The following C2CD3 variants were observed in gnomAD, a reference collection of about 807,000 sequenced individuals.
C2CD3 encodes the protein C2 domain-containing protein 3.
A neutral mutation model predicts 234.0 loss-of-function variants in C2CD3; 148 were observed. The ratio of observed to expected loss-of-function variants is 0.63; its 90% CI spans 0.55 to 0.72. The LOEUF (loss-of-function observed/expected upper bound fraction) is 0.72. Among genes scored for constraint, C2CD3 ranks in the 30% least tolerant of loss-of-function variants. C2CD3 has a pLI of 0.00. For missense variants in C2CD3, 2,577 were observed against 2,811.5 expected (o/e 0.92, Z 1.89); for synonymous variants, 1,000 against 1,035.4 (o/e 0.97, Z 0.66).
At chr11:74,133,900 T>G (rs143752999) in intron 5 of C2CD3, among the ~76,000 whole-genome samples, 2 of 152,260 alleles carry the variant, frequency 1.3e-5, no homozygotes, top group African/African-American at 4.8e-5. Context: ...TGTTTTTGTA[T>G]CCAGATATCA....
rs946583884 is a variant in C2CD3, at chr11:74,013,253, C to T, written c.*132G>A. ...GGCTGACCGGGTCTCTTGAGGCATC[C>T]GTGGCCTAGGCAAGTGGTGGTTTCA... On this transcript the variant is annotated 3_prime_UTR_variant, in exon 33 of 33. Coordinates refer to ENST00000334126, the MANE Select transcript of C2CD3 (RefSeq NM_001286577.2). 28 of 413,306 alleles carry T rather than the reference C, an allele frequency of 6.8e-5. No homozygotes were observed. The highest frequency in any genetic ancestry group is 3.9e-4 in the African/African-American group (19 of 48,664). The allele number at this position is 413,306 out of a possible 1,614,324, so 25.6% of individuals were successfully genotyped here. A position where few individuals can be genotyped will look rare whatever the true frequency, so the allele number is the denominator to read the frequency against.
In C2CD3 at chr11:74,074,422, G is replaced by C; in HGVS notation, c.4782C>G (p.Leu1594=). The change falls in exon 24 of 33, where the codon CTC becomes CTG. Residue 1594 remains leucine, a synonymous_variant. Transcript: ENST00000334126. ...GGCAGGAGATGACTTCTGGTGGAGA[G>C]AGCTGGACCTCATCATTCCTTCTGG... ...QLPRRNDEVQ[L]SPPEVISCHQ... The C allele has an allele frequency of 1.9e-6, 3 of 1,614,230 alleles. No homozygotes were observed. Among genetic ancestry groups the C allele is most frequent in the Non-Finnish European group, 2.5e-6 (3 of 1,180,040 alleles).
In C2CD3 at chr11:74,042,105, T is replaced by A; in HGVS notation, c.5609A>T (p.Lys1870Ile). Residue 1870 changes from lysine to isoleucine, a missense_variant, in exon 29 of 33, where the codon AAA (lysine) becomes ATA (isoleucine). Transcript: ENST00000334126. ...QGEAPLPCDD[K>I]LTTSPLSSQT... ...GGAGGACAAAGGTGATGTGGTCAGTTTGTCATCACATGGCAAGGGTGCCTC... is the reference window on the plus strand; with the variant it reads ...GGAGGACAAAGGTGATGTGGTCAGTATGTCATCACATGGCAAGGGTGCCTC... 1 of 1,614,086 alleles carries A rather than the reference T, an allele frequency of 6.2e-7. No individual in the cohort carries two copies. The highest frequency in any genetic ancestry group is 8.5e-7 in the Non-Finnish European group (1 of 1,180,010).
chr11:74,021,166 C>T (rs1403707762), intron 32 of C2CD3, among the ~76,000 whole-genome samples: 1 of 152,086 alleles, frequency 6.6e-6, no homozygotes, highest in Non-Finnish European at 1.5e-5. Flanking sequence ...CAGGAGATCA[C>T]TTGAGCCCAG....
At chr11:74,037,424 T>C (rs940262061) in intron 30 of C2CD3, 54 bp downstream of exon 30, 2 of 1,382,264 alleles carry the variant, frequency 1.4e-6, no homozygotes, top group Non-Finnish European at 2.1e-6. Context: ...AAATGCTTTT[T>C]GAATTAGCAC....
rs981082756 is a variant in C2CD3, at chr11:74,013,501, C to T, written c.6946G>A (p.Ala2316Thr). 4 of 1,382,268 alleles carry T rather than the reference C, an allele frequency of 2.9e-6. No individual in the cohort carries two copies. In the African/African-American group the frequency reaches 6.0e-5, roughly 21 times the overall value. 85.6% of individuals were successfully genotyped at this position (1,382,268 alleles called of 1,614,324 possible). Residue 2316 changes from alanine (A) to threonine (T), a missense_variant, in exon 33 of 33, where the codon GCT (alanine) becomes ACT (threonine). By Grantham distance (58) the Ala-to-Thr change is moderately conservative. Transcript: ENST00000334126. ...GGGCGACAAGGCCTTTGGGAGAGAG[C>T]TCCCCTGGTGGCTTCGCTCTTGTCC... ...DQDKSEATRGALSQRPCRPRP... is the reference protein window; with the variant it reads ...DQDKSEATRGTLSQRPCRPRP...
chr11:74,022,799 A>G (rs924025087), intron 32 of C2CD3, among the ~76,000 whole-genome samples: 17 of 152,224 alleles, frequency 1.1e-4, no homozygotes, highest in African/African-American at 3.9e-4. Context: ...ATTGATTTAT[A>G]ATGAATTTGG....
intron 24 of C2CD3, among the ~76,000 whole-genome samples, chr11:74,073,853 C>T (rs1327287973): frequency 1.3e-5 from 2 of 152,124 alleles, no homozygotes; most frequent in African/African-American, 4.8e-5. Context: ...AGGCCACTAA[C>T]CCGGAGTTTG....
chr11:74,030,640 A>G (rs1565208819), intron 31 of C2CD3, among the ~76,000 whole-genome samples: 1 of 151,834 alleles, frequency 6.6e-6, no homozygotes, highest in East Asian at 1.9e-4. Flanking sequence ...AGATGCTCAG[A>G]GTCTGCCTCT....
At chr11:74,169,618 C>A (rs1176178374) in intron 1 of C2CD3, among the ~76,000 whole-genome samples, 1 of 152,158 alleles carries the variant, frequency 6.6e-6, no homozygotes, top group Non-Finnish European at 1.5e-5. Flanking sequence ...AAAAATTATA[C>A]ACAGTTGTGT....
chr11:74,124,890 T>C (rs1424300165), intron 7 of C2CD3, among the ~76,000 whole-genome samples: 1 of 152,204 alleles, frequency 6.6e-6, no homozygotes, highest in African/African-American at 2.4e-5. Flanking sequence ...TTTTTTGAAA[T>C]TAATATTTAT....
Position 74,103,598 on chromosome 11 carries a change from T to C in C2CD3, c.2113A>G (p.Lys705Glu), listed in dbSNP as rs770051163. 11 of 1,612,542 alleles carry C rather than the reference T, an allele frequency of 6.8e-6. No individual in the cohort carries two copies. Among genetic ancestry groups the C allele is most frequent in the South Asian group, 1.1e-5 (1 of 91,064 alleles). ...TTAGTATTGATACCAGTGAAATCTT[T>C]GTTATCTGTAATAAGCTCCATGGTT... ...KVTMELITDN[K>E]DFTGINTKLS... Residue 705 changes from lysine (K) to glutamate (E), a missense_variant, in exon 14 of 33, where the codon AAA becomes GAA. Coordinates refer to ENST00000334126, the MANE Select transcript of C2CD3 (RefSeq NM_001286577.2).
intron 7 of C2CD3, among the ~76,000 whole-genome samples, chr11:74,124,076 T>C (rs1957317530): frequency 6.6e-6 from 1 of 152,150 alleles, no homozygotes; most frequent in Non-Finnish European, 1.5e-5. Flanking sequence ...TTCCATATTT[T>C]CCCTCAAAGT....
chr11:74,099,403 C>T (rs1026649593), intron 15 of C2CD3, among the ~76,000 whole-genome samples: 10 of 152,132 alleles, frequency 6.6e-5, no homozygotes, highest in Admixed American at 3.9e-4. Flanking sequence ...AGTTAAAGGA[C>T]AAATTTCTTC....
rs188092863 is a variant in C2CD3 at position 74,078,603 on chromosome 11, C to T, written c.4115G>A (p.Arg1372His). 2.5e-5 allele frequency: 41 copies of T among 1,614,168 alleles called. 1 individual carries two copies. Among genetic ancestry groups the T allele is most frequent in the Admixed American group, 2.2e-4 (13 of 60,020 alleles). ...GLELSISFTH[R>H]GDRERVLEAA... is the part of the protein sequence containing the mutation. Reference sequence around the variant, plus strand: ...TTCCAACACCCGTTCTCTATCTCCACGATGCGTGAAGGAAATCGAAAGCTC... The same window carrying T: ...TTCCAACACCCGTTCTCTATCTCCATGATGCGTGAAGGAAATCGAAAGCTC... The change falls in exon 23 of 33, where the codon CGT becomes CAT. Residue 1372 changes from arginine to histidine, a missense_variant. By Grantham distance (29) the Arg-to-His change is conservative. Transcript: ENST00000334126.
intron 7 of C2CD3, chr11:74,129,199 C>G (rs1191412439): frequency 5.8e-6 from 1 of 172,762 alleles, no homozygotes; most frequent in Non-Finnish European, 1.2e-5. Context: ...CCCTCCGGGA[C>G]GGGGTGGCTG....
At chr11:74,137,752 T>G (rs1434530527) in intron 5 of C2CD3, among the ~76,000 whole-genome samples, 1 of 151,654 alleles carries the variant, frequency 6.6e-6, no homozygotes, top group Non-Finnish European at 1.5e-5. Flanking sequence ...ACCCAGCTAA[T>G]TTTTTGTATT....
chr11:74,033,858 T>C lies in C2CD3; in HGVS notation c.6302A>G (p.Gln2101Arg). 1 of 1,536,198 alleles carries C rather than the reference T, an allele frequency of 6.5e-7. No individual in the cohort carries two copies. Among genetic ancestry groups the C allele is most frequent in the Non-Finnish European group, 8.7e-7 (1 of 1,146,910 alleles). The change falls in exon 31 of 33, where the codon CAG becomes CGG. Residue 2101 changes from glutamine to arginine, a missense_variant. By Grantham distance (43) the Gln-to-Arg change is conservative (BLOSUM62 1). Coordinates refer to ENST00000334126, the MANE Select transcript of C2CD3 (RefSeq NM_001286577.2). ...GCCTTCCCTCTGCACCTCGTCAGGC[T>C]GAGGGCTGATGACCTCACTTGTGTC... ...ISDTSEVISP[Q>R]PDEVQREGPS...
At chr11:74,025,731 G>C (rs1163338723) in intron 32 of C2CD3, among the ~76,000 whole-genome samples, 1 of 152,092 alleles carries the variant, frequency 6.6e-6, no homozygotes, top group African/African-American at 2.4e-5. Flanking sequence ...TGGAGGGAAA[G>C]GGAGCTAAGA....
Sources: allele counts gnomAD v4.1 joint callset (sites outside exome capture counted in the v4.1 genomes callset), GRCh38; gene constraint gnomAD v4.1.1; transcripts MANE v1.5; gene names NCBI Gene and HGNC (gene_info 2026-07-23, HGNC 2026-07-21).